Variants in CDH13 observed in about 807,000 individuals in gnomAD.
The protein encoded by CDH13 is cadherin 13, also known as cadherin-13.
Under a neutral mutation model 63.8 loss-of-function variants are expected in CDH13, and 24 were observed. The ratio of observed to expected loss-of-function variants is 0.38; its 90% CI spans 0.27 to 0.53. The LOEUF (loss-of-function observed/expected upper bound fraction) is 0.53. Ranked by LOEUF, CDH13 falls within the 20% of genes least tolerant of loss-of-function variation. The pLI is 0.85. For synonymous variants in CDH13, 503 were observed against 355.3 expected (o/e 1.42, Z -4.67); for missense variants, 1,049 against 903.1 (o/e 1.16, Z -2.07).
intron 12 of CDH13, 88 bp downstream of exon 12, chr16:83,780,289 C>A: frequency 1.2e-6 from 1 of 811,406 alleles, no homozygotes; most frequent in South Asian, 1.9e-5. Flanking sequence ...ACTGTTCTCT[C>A]AAGTATTCTC....
intron 1 of CDH13, among the ~76,000 whole-genome samples, chr16:82,765,015 C>A (rs1456205469): frequency 6.6e-6 from 1 of 152,042 alleles, no homozygotes; most frequent in Admixed American, 6.5e-5. Flanking sequence ...AGGGTTTCAC[C>A]ATGTTGGCCA....
intron 8 of CDH13, among the ~76,000 whole-genome samples, chr16:83,644,401 C>T (rs1046640479): frequency 6.6e-6 from 1 of 152,100 alleles, no homozygotes; most frequent in Non-Finnish European, 1.5e-5. Context: ...CTGGTTTTCC[C>T]TTTTATAAAC....
chr16:83,650,990 A>G (rs916177675), intron 8 of CDH13, among the ~76,000 whole-genome samples: 1 of 151,746 alleles, frequency 6.6e-6, no homozygotes, highest in Non-Finnish European at 1.5e-5. Context: ...AGTCCCAGCT[A>G]CTCTGGGGGC....
intron 10 of CDH13, among the ~76,000 whole-genome samples, chr16:83,715,587 G>A (rs1908770531): frequency 6.6e-6 from 1 of 152,230 alleles, no homozygotes; most frequent in African/African-American, 2.4e-5. Flanking sequence ...AGAGTTGAGT[G>A]CAAGCAATAG....
chr16:82,655,916 C>T (rs918015952), intron 1 of CDH13, among the ~76,000 whole-genome samples: 4 of 152,054 alleles, frequency 2.6e-5, no homozygotes, highest in African/African-American at 4.8e-5. Flanking sequence ...TTAGTGGGCA[C>T]CTGCTATGTG....
chr16:83,440,846 C>A (rs992156992), intron 6 of CDH13, among the ~76,000 whole-genome samples: 2 of 151,356 alleles, frequency 1.3e-5, no homozygotes, highest in Non-Finnish European at 2.9e-5. Context: ...AGAACTACCA[C>A]CTGGCCTTTC....
intron 3 of CDH13, among the ~76,000 whole-genome samples, chr16:83,076,550 T>G (rs1427994374): frequency 6.6e-6 from 1 of 152,188 alleles, no homozygotes; most frequent in Non-Finnish European, 1.5e-5. Flanking sequence ...AATTTTACAC[T>G]AAACCACCAT....
intron 6 of CDH13, among the ~76,000 whole-genome samples, chr16:83,424,944 A>C (rs571906850): frequency 2.0e-5 from 3 of 152,336 alleles, no homozygotes; most frequent in South Asian, 4.1e-4. Flanking sequence ...ATCCTGATGA[A>C]CACTTGGTTG....
intron 7 of CDH13, among the ~76,000 whole-genome samples, chr16:83,577,807 A>G (rs75769542): frequency 0.026 from 4,003 of 152,318 alleles, 115 homozygotes; most frequent in African/African-American, 0.065. Flanking sequence ...TGACCACTAA[A>G]TAATACGTGT....
intron 4 of CDH13, among the ~76,000 whole-genome samples, chr16:83,186,851 T>C (rs1171026946): frequency 2.0e-5 from 3 of 152,178 alleles, no homozygotes; most frequent in Non-Finnish European, 4.4e-5. Context: ...GCTGAAGAAG[T>C]GGTGCCCCCA....
At chr16:83,506,451 T>C (rs2074397858) in intron 7 of CDH13, among the ~76,000 whole-genome samples, 1 of 152,220 alleles carries the variant, frequency 6.6e-6, no homozygotes, top group Admixed American at 6.5e-5. Context: ...AACTACAGTC[T>C]GACCCATGCT....
At chr16:83,074,531 T>C (rs2032682646) in intron 3 of CDH13, among the ~76,000 whole-genome samples, 1 of 152,232 alleles carries the variant, frequency 6.6e-6, no homozygotes, top group Non-Finnish European at 1.5e-5. Context: ...GATTGCTGGA[T>C]CATACGGTAG....
At chr16:83,717,388 G>T (rs1295103303) in intron 10 of CDH13, among the ~76,000 whole-genome samples, 1 of 152,170 alleles carries the variant, frequency 6.6e-6, no homozygotes, top group Non-Finnish European at 1.5e-5. Flanking sequence ...ATTGGGTTCA[G>T]TCTGAACTGA....
At chr16:82,704,767 A>G (rs1435435607) in intron 1 of CDH13, among the ~76,000 whole-genome samples, 3 of 152,194 alleles carry the variant, frequency 2.0e-5, no homozygotes, top group African/African-American at 7.2e-5. Context: ...CTGAATACTT[A>G]ATTTCCCCAA....
intron 3 of CDH13, among the ~76,000 whole-genome samples, chr16:83,100,042 G>C (rs574103651): frequency 6.6e-6 from 1 of 152,176 alleles, no homozygotes; most frequent in East Asian, 1.9e-4. Context: ...TTAGCATCTC[G>C]ATGGGTTTCA....
chr16:82,771,159 CTTGT>C (rs1484796029), intron 1 of CDH13, among the ~76,000 whole-genome samples: 2 of 152,140 alleles, frequency 1.3e-5, no homozygotes, highest in African/African-American at 2.4e-5. Flanking sequence ...CAATGCATAA[CTTGT>C]TTATCACAAG....
rs75827994 is a variant in CDH13 at position 82,770,390 on chromosome 16, G to T, written c.46-87972G>T. 7.8e-3 allele frequency among the ~76,000 whole-genome samples: 1,195 copies of T among 152,298 alleles called. 12 individuals are homozygous for T. The highest frequency in any genetic ancestry group is 0.028 in the African/African-American group (1,148 of 41,564). On this transcript the variant is annotated intron_variant, in intron 1 of 13. Transcript: ENST00000567109. ...AAAGGAAGAAAATTGCTCAAAGTTT[G>T]CAGTCCAATTATAATGGTTCTTGAC...
chr16:82,645,527 C>G (rs1472379061), intron 1 of CDH13, among the ~76,000 whole-genome samples: 1 of 152,034 alleles, frequency 6.6e-6, no homozygotes, highest in African/African-American at 2.4e-5. Flanking sequence ...CTCAGGGATG[C>G]TGTTCAACAT....
intron 7 of CDH13, among the ~76,000 whole-genome samples, chr16:83,505,354 C>G (rs1220991394): frequency 1.3e-5 from 2 of 152,090 alleles, no homozygotes; most frequent in East Asian, 1.9e-4. Flanking sequence ...GTGCTTTGCT[C>G]TTGATCTTGA....
Sources: allele counts gnomAD v4.1 joint callset (sites outside exome capture counted in the v4.1 genomes callset), GRCh38; gene constraint gnomAD v4.1.1; transcripts MANE v1.5; gene names NCBI Gene and HGNC (gene_info 2026-07-23, HGNC 2026-07-21).